The following CSNK1G3 variants were observed in gnomAD, a reference collection of about 807,000 sequenced individuals.
The protein encoded by CSNK1G3 is casein kinase 1 gamma 3, also known as casein kinase I isoform gamma-3.
In CSNK1G3, 23 loss-of-function variants were observed where a neutral mutation model predicts 64.3. The ratio of observed to expected loss-of-function variants is 0.36; its 90% CI spans 0.26 to 0.51. The LOEUF is 0.51. CSNK1G3 is among the 20% of genes least tolerant of loss of function. The pLI, the probability that CSNK1G3 is intolerant of heterozygous loss-of-function variation, is 0.96. For synonymous variants in CSNK1G3, 158 were observed against 162.2 expected (o/e 0.97, Z 0.20); for missense variants, 357 against 510.5 (o/e 0.70, Z 2.90).
intron 4 of CSNK1G3, among the ~76,000 whole-genome samples, chr5:123,565,527 A>G (rs528815658): frequency 7.2e-5 from 11 of 152,332 alleles, no homozygotes; most frequent in African/African-American, 2.4e-4. Context: ...TAAATCAGGA[A>G]GTTTAAATTT....
chr5:123,551,581 TATA>T (rs1783659083), intron 2 of CSNK1G3, among the ~76,000 whole-genome samples: 1 of 152,182 alleles, frequency 6.6e-6, no homozygotes, highest in Non-Finnish European at 1.5e-5. Context: ...AGAAAAGTAT[TATA>T]ATATTTGTAT....
chr5:123,594,359 A>G (rs1793008322), intron 10 of CSNK1G3, among the ~76,000 whole-genome samples: 2 of 152,164 alleles, frequency 1.3e-5, no homozygotes, highest in African/African-American at 4.8e-5. Context: ...ATTATTTCAT[A>G]GACATGGGTT....
intron 10 of CSNK1G3, among the ~76,000 whole-genome samples, chr5:123,600,077 A>G (rs1185027935): frequency 6.8e-6 from 1 of 146,072 alleles, no homozygotes; most frequent in Non-Finnish European, 1.5e-5. Context: ...AGTTGGTTTC[A>G]TATAGTATAT....
At position 123,586,001 on chromosome 5, in the gene CSNK1G3, A is replaced by G. The variant is rs558159534; in HGVS notation, c.674-2067A>G. ...ATAGACTAGTACAAGAAGAATGTTC[A>G]TAACAGCTTTATTCACAATAGCCCC... is the stretch of plus-strand genomic sequence containing the variant. On this transcript the variant is annotated intron_variant, in intron 6 of 12. Transcript: ENST00000345990. 5.3e-5 allele frequency among the ~76,000 whole-genome samples: 8 copies of G among 152,372 alleles called. No homozygotes were observed. The East Asian group carries it at 1.5e-3, about 29-fold the overall frequency.
At chr5:123,607,066 T>G (rs1193872934) in intron 12 of CSNK1G3, among the ~76,000 whole-genome samples, 1 of 152,068 alleles carries the variant, frequency 6.6e-6, no homozygotes, top group Non-Finnish European at 1.5e-5. Context: ...GGTGTGTGTT[T>G]GGGTCCCTAT....
At position 123,594,340 on chromosome 5, in the gene CSNK1G3, A is replaced by C. The variant is rs993126300; in HGVS notation, c.1086+2926A>C. 4.6e-5 allele frequency among the ~76,000 whole-genome samples: 7 copies of C among 152,310 alleles called. No individual in the cohort carries two copies. The East Asian group carries it at 1.3e-3, about 29-fold the overall frequency. On this transcript the variant is annotated intron_variant, in intron 10 of 12. Coordinates refer to ENST00000345990, the Ensembl canonical transcript of CSNK1G3. ...TGCCAAGGGATCTAAAAACATCAAG[A>C]ATTTTCAGATTATTTCATAGACATG... is the stretch of plus-strand genomic sequence containing the variant.
chr5:123,575,851 T>G, exon 6 of CSNK1G3: 1 of 1,613,622 alleles, frequency 6.2e-7, no homozygotes, highest in Non-Finnish European at 8.5e-7. Flanking sequence ...TAGATTTTGG[T>G]TTGGCAAAGG....
intron 2 of CSNK1G3, among the ~76,000 whole-genome samples, chr5:123,546,956 A>G (rs1211791821): frequency 1.3e-5 from 2 of 152,104 alleles, no homozygotes; most frequent in Non-Finnish European, 2.9e-5. Flanking sequence ...GAAAGGGTGA[A>G]TGTTTTATGT....
intron 1 of CSNK1G3, among the ~76,000 whole-genome samples, chr5:123,517,931 GA>G (rs529062252): frequency 0.049 from 5,195 of 106,462 alleles, 258 homozygotes; most frequent in African/African-American, 0.15. Context: ...TCCTCTTTAA[GA>G]AAAAAAAAAA....
intron 12 of CSNK1G3, among the ~76,000 whole-genome samples, chr5:123,613,080 TA>T (rs1319670031): frequency 6.6e-6 from 1 of 152,194 alleles, no homozygotes; most frequent in Non-Finnish European, 1.5e-5. Context: ...TGTCATGTTG[TA>T]TATTTTAATA....
chr5:123,575,995 GA>G, intron 6 of CSNK1G3, 32 bp downstream of exon 6: 2 of 1,429,110 alleles, frequency 1.4e-6, no homozygotes, highest in Non-Finnish European at 2.0e-6. Flanking sequence ...ATGGAAGTTT[GA>G]ACTTAGCAGC....
Position 123,524,074 on chromosome 5 carries a change from C to T in CSNK1G3, c.-248+11504C>T, listed in dbSNP as rs76746238. Reference sequence around the variant, plus strand: ...AGCAACCCCTTAATAGAAACTATTCCATATCTTACTTCTCTGAGGTGGAGT... The same window carrying T: ...AGCAACCCCTTAATAGAAACTATTCTATATCTTACTTCTCTGAGGTGGAGT... On this transcript the variant is annotated intron_variant, in intron 1 of 12. Transcript: ENST00000345990. Among the ~76,000 whole-genome samples, 924 of 152,306 alleles carry T rather than the reference C, an allele frequency of 6.1e-3. 9 individuals carry two copies. The highest frequency in any genetic ancestry group is 0.021 in the African/African-American group (883 of 41,564).
chr5:123,612,693 G>A (rs946739270), intron 12 of CSNK1G3, among the ~76,000 whole-genome samples: 1 of 152,012 alleles, frequency 6.6e-6, no homozygotes, highest in East Asian at 1.9e-4. Flanking sequence ...GGTCAGGCTG[G>A]TCTTGAACTC....
At chr5:123,542,204 G>A (rs1781779372) in intron 1 of CSNK1G3, among the ~76,000 whole-genome samples, 1 of 151,994 alleles carries the variant, frequency 6.6e-6, no homozygotes, top group Non-Finnish European at 1.5e-5. Flanking sequence ...ATTAACATAT[G>A]CATTACCTTA....
chr5:123,544,769 A>T (rs1215945426), intron 1 of CSNK1G3, among the ~76,000 whole-genome samples: 2 of 152,160 alleles, frequency 1.3e-5, no homozygotes, highest in Non-Finnish European at 2.9e-5. Context: ...GATAAGGTTG[A>T]TGCCTGTCAA....
At chr5:123,521,425 AATC>A (rs1263963443) in intron 1 of CSNK1G3, among the ~76,000 whole-genome samples, 4 of 152,176 alleles carry the variant, frequency 2.6e-5, no homozygotes, top group African/African-American at 9.6e-5. Flanking sequence ...ATCAAAATAT[AATC>A]AGCTCCTTAA....
exon 13 of CSNK1G3, chr5:123,616,037 A>G (rs1472833507): frequency 6.6e-6 from 1 of 152,178 alleles, no homozygotes; most frequent in Non-Finnish European, 1.5e-5. Context: ...GAACACCACA[A>G]ATCAGGACAT....
rs1308423307 is a variant in CSNK1G3 at position 123,604,833 on chromosome 5, A to T, written c.1193+3A>T. 1 of 1,591,110 alleles carries T rather than the reference A, an allele frequency of 6.3e-7. No homozygotes were observed. The highest frequency in any genetic ancestry group is 1.7e-5 in the Admixed American group (1 of 58,562). Reference sequence around the variant, plus strand: ...GTAGAAGTGATGGATGAAACCAAGTATGTGTTTGTTTTACTTGTTTTAGTA... The same window carrying T: ...GTAGAAGTGATGGATGAAACCAAGTTTGTGTTTGTTTTACTTGTTTTAGTA... On this transcript the variant is annotated splice_donor_region_variant and intron_variant, in intron 11 of 12. Transcript: ENST00000345990.
intron 12 of CSNK1G3, among the ~76,000 whole-genome samples, chr5:123,609,927 G>A (rs996202835): frequency 3.3e-5 from 5 of 152,160 alleles, no homozygotes; most frequent in African/African-American, 7.2e-5. Flanking sequence ...TATGATGGGG[G>A]CAATTTGGAT....
Sources: gnomAD v4.1 joint callset for allele counts (sites outside exome capture counted in the v4.1 genomes callset) on GRCh38, gnomAD v4.1.1 for gene constraint, MANE v1.5 for transcripts, NCBI Gene and HGNC (gene_info 2026-07-23, HGNC 2026-07-21) for gene names.